The following TTN variants were observed in gnomAD, a reference collection of about 807,000 sequenced individuals.
The protein encoded by TTN is titin.
Under a neutral mutation model 3,223.0 loss-of-function variants are expected in TTN, and 1,525 were observed. The observed-to-expected ratio is 0.47, with a 90% CI of 0.45 to 0.49. The LOEUF (loss-of-function observed/expected upper bound fraction) is 0.49. TTN is among the 20% of genes least tolerant of loss of function. The pLI is 0.00. For synonymous variants in TTN, 14,094 were observed against 15,161.0 expected, an observed-to-expected ratio of 0.93 and a Z score of 5.17; for missense variants, 40,786 against 43,424.0, an observed-to-expected ratio of 0.94 and a Z score of 5.40.
In TTN at chr2:178,573,448, GT is replaced by G. The variant is rs1488458151; in HGVS notation, c.72683del (p.Asn24228ThrfsTer4). The G allele has an allele frequency of 2.0e-6, 3 of 1,516,906 alleles. No individual in the cohort carries two copies. Among genetic ancestry groups the G allele is most frequent in the East Asian group, 2.3e-5 (1 of 43,730 alleles). 94.0% of individuals were successfully genotyped at this position (1,516,906 alleles called of 1,614,324 possible). On this transcript the variant is annotated frameshift_variant, in exon 326 of 363. Coordinates refer to ENST00000589042, the MANE Select transcript of TTN (RefSeq NM_001267550.2). LOFTEE classifies it high-confidence loss of function. Reference protein sequence around the residue: ...NPYGPPDPPKNPEVTTITKDS... With the variant: ...NPYGPPDPPKXPEVTTITKDS... The stretch of plus-strand genomic sequence containing the variant: ...CTTTAGTAATAGTTGTCACTTCAGG[GT>G]TTTTGGGCGGATCAGGGGGTCCATA...
At position 178,561,924 on chromosome 2, in the gene TTN, C is replaced by T; in HGVS notation, c.84208G>A (p.Asp28070Asn). 6.2e-7 allele frequency: 1 copy of T among 1,613,526 alleles called. No individual in the cohort carries two copies. Among genetic ancestry groups the T allele is most frequent in the Non-Finnish European group, 8.5e-7 (1 of 1,179,692 alleles). Residue 28070 changes from aspartate (D) to asparagine (N), a missense_variant, in exon 326 of 363, where the codon GAC becomes AAC. By Grantham distance (23) the Asp-to-Asn change is conservative (BLOSUM62 1). Coordinates refer to ENST00000589042, the MANE Select transcript of TTN (RefSeq NM_001267550.2). ...GPIRIDEVSC[D>N]SITISWNPPE... ...GGATTCCAAGAAATGGTTATGCTGT[C>T]ACAACTAACCTCATCAATACGTATA...
rs770089807 is a variant in TTN, at chr2:178,536,993, G to C, written c.100116C>G (p.Phe33372Leu). The change falls in exon 356 of 363, where the codon TTC becomes TTG. Residue 33372 changes from phenylalanine to leucine, a missense_variant. Phe to Leu is a conservative substitution (Grantham distance 22, BLOSUM62 0). Coordinates refer to ENST00000589042, the MANE Select transcript of TTN (RefSeq NM_001267550.2). ...ACACTTCTAGAGGGTCACTGATGCC[G>C]AAAGTGTTCTGAGCTGAAACCCGGA... ...YYFRVSAQNTFGISDPLEVSS... is the reference protein window; with the variant it reads ...YYFRVSAQNTLGISDPLEVSS... The C allele has an allele frequency of 1.9e-6, 3 of 1,613,138 alleles. No individual in the cohort carries two copies. Among genetic ancestry groups the C allele is most frequent in the Non-Finnish European group, 2.5e-6 (3 of 1,179,524 alleles).
chr2:178,551,443 T>C (rs1054866373), intron 335 of TTN, among the ~76,000 whole-genome samples, 183 bp from the exon 336 acceptor site: 3 of 152,296 alleles, frequency 2.0e-5, no homozygotes, highest in African/African-American at 7.2e-5. Flanking sequence ...TTCATAGTCT[T>C]TAAAATGAAC....
chr2:178,725,715 G>A (rs2154304458), intron 70 of TTN, 53 bp downstream of exon 70: 1 of 1,548,560 alleles, frequency 6.5e-7, no homozygotes, highest in Non-Finnish European at 8.7e-7. Flanking sequence ...AGTGAAAAAA[G>A]TAGGATTTTG....
chr2:178,729,754 C>A lies in TTN; in HGVS notation c.18499G>T (p.Gly6167Cys). The A allele has an allele frequency of 6.2e-7, 1 of 1,613,720 alleles. No homozygotes were observed. The highest frequency in any genetic ancestry group is 8.5e-7 in the Non-Finnish European group (1 of 1,179,732). ...IDGLATFQIS[G>C]ARVENSGTYV... ...GTCCCACTATTTTCTACCCTGGCACCAGAAATCTGGAAAGTGGCTAAACCA... is the reference window on the plus strand; with the variant it reads ...GTCCCACTATTTTCTACCCTGGCACAAGAAATCTGGAAAGTGGCTAAACCA... Residue 6167 changes from glycine (G) to cysteine (C), a missense_variant, in exon 63 of 363, where the codon GGT becomes TGT. Coordinates refer to ENST00000589042, the MANE Select transcript of TTN (RefSeq NM_001267550.2).
Position 178,746,676 on chromosome 2 carries a change from T to C in TTN, c.11312-4755A>G, listed in dbSNP as rs757789476. 7.5e-5 allele frequency: 121 copies of C among 1,613,186 alleles called. No homozygotes were observed. The highest frequency in any genetic ancestry group is 9.6e-5 in the Non-Finnish European group (113 of 1,179,542). ...CCTTCTCCTTTTTGAATGTTAGAAA[T>C]TTCCAGTGAACACACATTACCCACT... On this transcript the variant is annotated intron_variant, in intron 47 of 362. Coordinates refer to ENST00000589042, the MANE Select transcript of TTN (RefSeq NM_001267550.2).
In TTN at chr2:178,613,058, G is replaced by A. The variant is rs373572207; in HGVS notation, c.49663C>T (p.Pro16555Ser). The change falls in exon 265 of 363, where the codon CCT (proline) becomes TCT (serine). Residue 16555 changes from proline (P) to serine (S), a missense_variant. Transcript: ENST00000589042. The part of the protein sequence containing the change: ...IKDPIDPPWP[P>S]GKPTVKDVGK... ...ACATCTTTTACAGTTGGTTTTCCAG[G>A]GGGCCATGGAGGATCTGCAAGCCAA... The A allele has an allele frequency of 6.2e-7, 1 of 1,612,564 alleles. No individual in the cohort carries two copies. The highest frequency in any genetic ancestry group is 8.5e-7 in the Non-Finnish European group (1 of 1,179,176).
rs750091311 is a variant in TTN, at chr2:178,773,098, A to C, written c.7855+11T>G. On this transcript the variant is annotated intron_variant, in intron 33 of 362. Coordinates refer to ENST00000589042, the MANE Select transcript of TTN (RefSeq NM_001267550.2). The stretch of plus-strand genomic sequence containing the variant: ...CTCCTCGTAAGAATTTAGGTTAATA[A>C]ATATACCAACCTGCCACAGTAAGTT... The C allele has an allele frequency of 1.9e-6, 3 of 1,613,670 alleles. No individual in the cohort carries two copies. The highest frequency in any genetic ancestry group is 1.1e-5 in the South Asian group (1 of 91,056).
chr2:178,611,566 T>C lies in TTN; in HGVS notation c.50663A>G (p.His16888Arg). Reference protein sequence around the residue: ...KNGGSPIIGYHVEMCPVGTEK... With the variant: ...KNGGSPIIGYRVEMCPVGTEK... ...AGTGCCTACTGGACACATTTCAACA[T>C]GGTATCCTATGATAGGACTTCCACC... is the stretch of plus-strand genomic sequence containing the variant. The change falls in exon 269 of 363, where the codon CAT becomes CGT. Residue 16888 changes from histidine (H) to arginine (R), a missense_variant. Transcript: ENST00000589042. The C allele has an allele frequency of 6.2e-7, 1 of 1,613,032 alleles. No homozygotes were observed. The highest frequency in any genetic ancestry group is 8.5e-7 in the Non-Finnish European group (1 of 1,179,316).
chr2:178,586,914 C>G, intron 307 of TTN, 107 bp from the exon 308 acceptor site: 1 of 1,452,420 alleles, frequency 6.9e-7, no homozygotes, highest in Admixed American at 2.2e-5. Flanking sequence ...GTACATAGAA[C>G]CTGTAGTTCA....
intron 131 of TTN, 106 bp downstream of exon 131, chr2:178,684,560 A>C: frequency 7.3e-7 from 1 of 1,366,412 alleles, no homozygotes; most frequent in East Asian, 2.3e-5. Flanking sequence ...CAAAGACACC[A>C]TTGTCACCCA....
chr2:178,590,006 G>A lies in TTN; in HGVS notation c.61719C>T (p.Cys20573=). ...TTACATTGGTAACCTTCAAATTCTG[G>A]CAAGGCCCAGGTCTGTCAAGGACGT... is the stretch of plus-strand genomic sequence containing the variant. ...IVNVLDRPGP[C]QNLKVTNVTK... The change falls in exon 304 of 363, where the codon TGC becomes TGT. Residue 20573 remains cysteine, a synonymous_variant. Coordinates refer to ENST00000589042, the MANE Select transcript of TTN (RefSeq NM_001267550.2). 1 of 1,613,114 alleles carries A rather than the reference G, an allele frequency of 6.2e-7. No homozygotes were observed. Among genetic ancestry groups the A allele is most frequent in the Non-Finnish European group, 8.5e-7 (1 of 1,179,492 alleles).
intron 43 of TTN, among the ~76,000 whole-genome samples, chr2:178,759,782 G>C (rs1234192455): frequency 6.6e-6 from 1 of 152,152 alleles, no homozygotes; most frequent in Non-Finnish European, 1.5e-5. Flanking sequence ...TAAATAAAGA[G>C]GGTGATTTAT....
rs774344653 is a variant in TTN, at chr2:178,675,119, G to T, written c.34538-6C>A. Reference sequence around the variant, plus strand: ...CTTCTTAGGCACCTCAGGAACTTGAGAGACATTGATTATTTTAGACACTTA... The same window carrying T: ...CTTCTTAGGCACCTCAGGAACTTGATAGACATTGATTATTTTAGACACTTA... On this transcript the variant is annotated splice_region_variant and splice_polypyrimidine_tract_variant and intron_variant, in intron 149 of 362. Transcript: ENST00000589042. 6.5e-7 allele frequency: 1 copy of T among 1,548,934 alleles called. No homozygotes were observed. The highest frequency in any genetic ancestry group is 2.1e-5 in the Admixed American group (1 of 48,016).
In TTN at chr2:178,548,768, G is replaced by A; in HGVS notation, c.92858C>T (p.Pro30953Leu). The A allele has an allele frequency of 6.2e-7, 1 of 1,613,328 alleles. No homozygotes were observed. Among genetic ancestry groups the A allele is most frequent in the South Asian group, 1.1e-5 (1 of 91,080 alleles). The change falls in exon 339 of 363, where the codon CCT (proline) becomes CTT (leucine). Residue 30953 changes from proline (P) to leucine (L), a missense_variant. Pro to Leu is a moderately conservative substitution (Grantham distance 98). Coordinates refer to ENST00000589042, the MANE Select transcript of TTN (RefSeq NM_001267550.2). The surrounding 1 kb of genome is among the most constrained non-coding windows in gnomAD (Gnocchi z 4.3). Reference sequence around the variant, plus strand: ...TTTGCTCCACACAGCTGTAGGAGTAGGTCTACCTTGGTAGGCAATGAAGAG... The same window carrying A: ...TTTGCTCCACACAGCTGTAGGAGTAAGTCTACCTTGGTAGGCAATGAAGAG... Reference protein sequence around the residue: ...IRLFIAYQGRPTPTAVWSKPD... With the variant: ...IRLFIAYQGRLTPTAVWSKPD...
chr2:178,670,325 A>G, intron 156 of TTN, 30 bp from the exon 157 acceptor site: 1 of 1,279,672 alleles, frequency 7.8e-7, no homozygotes, highest in Non-Finnish European at 1.0e-6. Flanking sequence ...AATTTCTTTT[A>G]TTTTTAAATA....
chr2:178,607,610 G>A lies in TTN; in HGVS notation c.53078C>T (p.Pro17693Leu), dbSNP rs1176166730. 6.2e-7 allele frequency: 1 copy of A among 1,613,040 alleles called. No homozygotes were observed. Among genetic ancestry groups the A allele is most frequent in the Non-Finnish European group, 8.5e-7 (1 of 1,179,380 alleles). Residue 17693 changes from proline (P) to leucine (L), a missense_variant, in exon 277 of 363, where the codon CCA (proline) becomes CTA (leucine). Coordinates refer to ENST00000589042, the MANE Select transcript of TTN (RefSeq NM_001267550.2). ...QIMAGKTLRI[P>L]AVVTGRPVPT... is the part of the protein sequence containing the mutation. ...TACAGGGCGACCAGTCACCACAGCT[G>A]GAATTCTAAGAGTCTTCCCAGCCAT...
At chr2:178,790,260 T>C in intron 11 of TTN, 145 bp from the exon 12 acceptor site, 2 of 873,050 alleles carry the variant, frequency 2.3e-6, no homozygotes, top group Non-Finnish European at 1.7e-6. Context: ...TTTGAGTTAC[T>C]TTGATCATCC....
chr2:178,724,364 G>T lies in TTN; in HGVS notation c.21011C>A (p.Ser7004Tyr). Residue 7004 changes from serine (S) to tyrosine (Y), a missense_variant, in exon 72 of 363, where the codon TCC (serine) becomes TAC (tyrosine). Physicochemically the swap from Ser to Tyr is moderately radical, Grantham distance 144 (BLOSUM62 -2). Transcript: ENST00000589042. ...CCTTTCAACTGAGAGAATCCTTAAG[G>T]AAGAGATTTTGTTGTAGAAGCTAAA... ...HKFSFYNKIS[S>Y]LRILSVERQD... 1 of 1,613,526 alleles carries T rather than the reference G, an allele frequency of 6.2e-7. No homozygotes were observed.
Sources: gnomAD v4.1 joint callset for allele counts (sites outside exome capture counted in the v4.1 genomes callset) on GRCh38, gnomAD v4.1.1 for gene constraint, Gnocchi (gnomAD v3.1) non-coding constraint, MANE v1.5 for transcripts, NCBI Gene and HGNC (gene_info 2026-07-23, HGNC 2026-07-21) for gene names.